Variants in PDE1A observed in about 807,000 individuals in gnomAD.
PDE1A encodes dual specificity calcium/calmodulin-dependent 3',5'-cyclic nucleotide phosphodiesterase 1A.
In PDE1A, 35 loss-of-function variants were observed where a neutral mutation model predicts 61.7. That is an observed-to-expected ratio of 0.57 (90% confidence interval 0.43 to 0.75). PDE1A has a LOEUF of 0.75. Ranked by LOEUF, PDE1A falls within the 30% of genes least tolerant of loss-of-function variation. The probability of loss-of-function intolerance (pLI) is 0.00; values close to 1 mark genes in which losing one functional copy is unlikely to be tolerated. For synonymous variants in PDE1A, 232 were observed against 213.2 expected (o/e 1.09, Z -0.77); for missense variants, 597 against 630.6 (o/e 0.95, Z 0.57).
chr2:182,305,892 C>T (rs1211273941), intron 1 of PDE1A, among the ~76,000 whole-genome samples: 2 of 151,966 alleles, frequency 1.3e-5, no homozygotes, highest in East Asian at 3.9e-4. Context: ...GTGATAAGAA[C>T]ATCTGAAATT....
At chr2:182,373,380 A>G (rs1574480737) in intron 1 of PDE1A, among the ~76,000 whole-genome samples, 2 of 152,312 alleles carry the variant, frequency 1.3e-5, no homozygotes, top group African/African-American at 4.8e-5. Flanking sequence ...AGAGAAACCA[A>G]CAGTGTAAAT....
At chr2:182,183,036 C>A (rs545636694) in intron 13 of PDE1A, among the ~76,000 whole-genome samples, 101 of 152,150 alleles carry the variant, frequency 6.6e-4, no homozygotes, top group African/African-American at 2.4e-3. Context: ...TATAGTAGCC[C>A]TATAACCCTT....
chr2:182,431,395 T>C (rs1040227236), upstream of PDE1A, among the ~76,000 whole-genome samples: 4 of 152,162 alleles, frequency 2.6e-5, no homozygotes, highest in Non-Finnish European at 2.9e-5. Flanking sequence ...TTTTCATTTG[T>C]CATAACTAGG....
At chr2:182,479,875 C>T (rs377427406) in intron 2 of PDE1A, among the ~76,000 whole-genome samples, 2 of 151,112 alleles carry the variant, frequency 1.3e-5, no homozygotes, top group African/African-American at 4.8e-5. Context: ...TCTTTATGTA[C>T]ATAGGAAGAA....
the PDE1A span, among the ~76,000 whole-genome samples, chr2:182,628,874 T>C: frequency 6.6e-6 from 1 of 152,170 alleles, no homozygotes; most frequent in Non-Finnish European, 1.5e-5. Flanking sequence ...AAGTGGGACA[T>C]GCAACTTTCT....
At chr2:182,547,989 G>A in the PDE1A span, among the ~76,000 whole-genome samples, 5 of 151,764 alleles carry the variant, frequency 3.3e-5, no homozygotes, top group South Asian at 2.1e-4. Flanking sequence ...TATGGGAATT[G>A]CTTACCCTAA....
intron 2 of PDE1A, among the ~76,000 whole-genome samples, chr2:182,517,373 C>G (rs1690271943): frequency 6.6e-6 from 1 of 152,216 alleles, no homozygotes; most frequent in Admixed American, 6.5e-5. Flanking sequence ...TATCTCCAAT[C>G]CTCCCACCTG....
At chr2:182,394,229 C>G (rs1402795022) in intron 1 of PDE1A, among the ~76,000 whole-genome samples, 1 of 152,146 alleles carries the variant, frequency 6.6e-6, no homozygotes, top group Non-Finnish European at 1.5e-5. Context: ...TCCACATTAA[C>G]TGTTAGGTTG....
chr2:182,229,755 G>A (rs930352888), intron 6 of PDE1A, among the ~76,000 whole-genome samples: 8 of 145,172 alleles, frequency 5.5e-5, no homozygotes, highest in African/African-American at 2.1e-4. Flanking sequence ...AAACAAAAAT[G>A]TTTGGTAGTC....
At chr2:182,568,583 A>G in the PDE1A span, among the ~76,000 whole-genome samples, 86 of 152,188 alleles carry the variant, frequency 5.7e-4, no homozygotes, top group African/African-American at 1.3e-3. Context: ...GGAGAATGGC[A>G]TGAACCCGGG....
At chr2:182,475,507 C>A (rs1395009505) in intron 2 of PDE1A, among the ~76,000 whole-genome samples, 1 of 151,910 alleles carries the variant, frequency 6.6e-6, no homozygotes, top group East Asian at 1.9e-4. Context: ...GAATCCACAG[C>A]CAGACTATAT....
chr2:182,536,980 C>T, the PDE1A span, among the ~76,000 whole-genome samples: 1 of 152,162 alleles, frequency 6.6e-6, no homozygotes, highest in East Asian at 1.9e-4. Context: ...AGGTGCCAAA[C>T]ATGTAAGTGA....
chr2:182,435,924 T>C (rs1013498216), intron 2 of PDE1A, among the ~76,000 whole-genome samples: 1 of 152,078 alleles, frequency 6.6e-6, no homozygotes, highest in African/African-American at 2.4e-5. Context: ...ATGTCAGTAA[T>C]GGAAAATTCC....
the PDE1A span, among the ~76,000 whole-genome samples, chr2:182,689,166 C>A: frequency 1.1e-3 from 161 of 152,282 alleles, no homozygotes; most frequent in East Asian, 0.011. Flanking sequence ...CTCAGGTCTG[C>A]ACCAAGCAGA....
At chr2:182,657,220 T>TC in the PDE1A span, among the ~76,000 whole-genome samples, 1 of 152,098 alleles carries the variant, frequency 6.6e-6, no homozygotes, top group East Asian at 1.9e-4. Context: ...AGACTCCGTC[T>TC]CAAAAAAAAC....
At chr2:182,529,276 G>A in the PDE1A span, among the ~76,000 whole-genome samples, 1 of 152,330 alleles carries the variant, frequency 6.6e-6, no homozygotes, top group East Asian at 1.9e-4. Context: ...TGTGAGACAT[G>A]GAGTCAAAGG....
chr2:182,605,705 G>A, the PDE1A span, among the ~76,000 whole-genome samples: 1 of 152,184 alleles, frequency 6.6e-6, no homozygotes, highest in South Asian at 2.1e-4. Flanking sequence ...TCAAACCTCT[G>A]TTATCCCCTC....
chr2:182,538,250 T>C, the PDE1A span, among the ~76,000 whole-genome samples: 8 of 152,156 alleles, frequency 5.3e-5, no homozygotes, highest in Admixed American at 2.6e-4. Flanking sequence ...TTTTTACTTG[T>C]TTATGGTGTG....
chr2:182,643,544 A>G, the PDE1A span, among the ~76,000 whole-genome samples: 1 of 152,166 alleles, frequency 6.6e-6, no homozygotes, highest in African/African-American at 2.4e-5. Context: ...TCTACAACAA[A>G]TGGTATTATT....
Sources: allele counts gnomAD v4.1 joint callset (sites outside exome capture counted in the v4.1 genomes callset), GRCh38; gene constraint gnomAD v4.1.1; transcripts MANE v1.5; gene names NCBI Gene and HGNC (gene_info 2026-07-23, HGNC 2026-07-21).